KCNQ1: variants seen among roughly 807,000 people sequenced by gnomAD.
The protein encoded by KCNQ1 is potassium voltage-gated channel subfamily Q member 1.
KCNQ1 carries 49 observed loss-of-function variants against 72.4 expected under a neutral mutation model. The ratio of observed to expected loss-of-function variants is 0.68; its 90% CI spans 0.54 to 0.86. KCNQ1 has a LOEUF of 0.86. Among genes scored for constraint, KCNQ1 ranks in the 40% least tolerant of loss-of-function variants. KCNQ1 has a pLI of 0.00. For synonymous variants in KCNQ1, 450 were observed against 412.6 expected, an observed-to-expected ratio of 1.09 and a Z score of -1.10; for missense variants, 790 against 945.1, an observed-to-expected ratio of 0.84 and a Z score of 2.15.
At position 2,483,505 on chromosome 11, in the gene KCNQ1, C is replaced by G. The variant is rs1014277046; in HGVS notation, c.386+38021C>G. ...TAGCATCCGGTTTCTGTTCTGTGATCCCCACGTTGCTTTCAGCTGCCAGGT... is the reference window on the plus strand; with the variant it reads ...TAGCATCCGGTTTCTGTTCTGTGATGCCCACGTTGCTTTCAGCTGCCAGGT... On this transcript the variant is annotated intron_variant, in intron 1 of 15. Coordinates refer to ENST00000155840, the MANE Select transcript of KCNQ1 (RefSeq NM_000218.3). The surrounding 1 kb of genome is among the most constrained non-coding windows in gnomAD (Gnocchi z 6.1). 6.6e-6 allele frequency among the ~76,000 whole-genome samples: 1 copy of G among 152,126 alleles called. No individual in the cohort carries two copies. Among genetic ancestry groups the G allele is most frequent in the Non-Finnish European group, 1.5e-5 (1 of 68,030 alleles).
At chr11:2,644,345 G>T in intron 10 of KCNQ1, 1 of 398,026 alleles carries the variant, frequency 2.5e-6, no homozygotes, top group Non-Finnish European at 4.4e-6. Context: ...TCTTTCTTCT[G>T]CTTGTTGTGG....
Position 2,654,338 on chromosome 11 carries a change from C to G in KCNQ1, c.1394-7623C>G. 1 of 398,708 alleles carries G rather than the reference C, an allele frequency of 2.5e-6. No homozygotes were observed. Among genetic ancestry groups the G allele is most frequent in the Non-Finnish European group, 4.4e-6 (1 of 226,254 alleles). The allele number at this position is 398,708 out of a possible 1,614,324, so 24.7% of individuals were successfully genotyped here. On this transcript the variant is annotated intron_variant, in intron 10 of 15. Transcript: ENST00000155840. This position sits in a 1 kb window ranked among gnomAD's most constrained non-coding sequence, Gnocchi z 6.4. ...GGGCCAGGGAGGGGGCTTCTACTTGCAAAGGATAGGGAGAGCTTCTGTTCA... is the reference window on the plus strand; with the variant it reads ...GGGCCAGGGAGGGGGCTTCTACTTGGAAAGGATAGGGAGAGCTTCTGTTCA...
At chr11:2,533,740 C>T (rs1255053783) in intron 2 of KCNQ1, among the ~76,000 whole-genome samples, 1 of 152,200 alleles carries the variant, frequency 6.6e-6, no homozygotes, top group Admixed American at 6.5e-5. Context: ...GAAACTGGCC[C>T]CCTGCTCTCT....
rs1205319737 is a variant in KCNQ1, at chr11:2,601,150, T to A, written c.1393+12296T>A. ...GGAAACCAGGCTTTACTGTGGTAGT[T>A]GCAAAAATGATCATTTTCCAACTCT... On this transcript the variant is annotated intron_variant, in intron 10 of 15. Coordinates refer to ENST00000155840, the MANE Select transcript of KCNQ1 (RefSeq NM_000218.3). The surrounding 1 kb of genome is among the most constrained non-coding windows in gnomAD (Gnocchi z 5.2). Among the ~76,000 whole-genome samples the A allele has an allele frequency of 1.3e-5, 2 of 151,904 alleles. No homozygotes were observed. Among genetic ancestry groups the A allele is most frequent in the East Asian group, 3.9e-4 (2 of 5,188 alleles).
chr11:2,798,151 A>T (rs1847177405), intron 15 of KCNQ1, among the ~76,000 whole-genome samples: 2 of 152,060 alleles, frequency 1.3e-5, no homozygotes, highest in Admixed American at 1.3e-4. Context: ...CCCAGGCCCA[A>T]GCAAGCCTGC....
rs898249732 is a variant in KCNQ1 at position 2,563,015 on chromosome 11, A to G, written c.478-7613A>G. ...CGAGGCTTCCTTTATGTTTTGCAAA[A>G]AAATCTATATATTTCATCCAGAGAG... On this transcript the variant is annotated intron_variant, in intron 2 of 15. Transcript: ENST00000155840. The surrounding 1 kb of genome is among the most constrained non-coding windows in gnomAD (Gnocchi z 7.4). Among the ~76,000 whole-genome samples, 6 of 152,158 alleles carry G rather than the reference A, an allele frequency of 3.9e-5. No homozygotes were observed. Among genetic ancestry groups the G allele is most frequent in the South Asian group, 4.1e-4 (2 of 4,826 alleles).
At chr11:2,758,798 A>T (rs1251832341) in intron 11 of KCNQ1, among the ~76,000 whole-genome samples, 1 of 152,184 alleles carries the variant, frequency 6.6e-6, no homozygotes, top group African/African-American at 2.4e-5. Context: ...CCTCCCCCGA[A>T]AGGTCGCATG....
At position 2,750,189 on chromosome 11, in the gene KCNQ1, GC is replaced by G. The variant is rs1846205549; in HGVS notation, c.1515-18654del. Among the ~76,000 whole-genome samples the G allele has an allele frequency of 1.3e-5, 2 of 152,180 alleles. No homozygotes were observed. Among genetic ancestry groups the G allele is most frequent in the Non-Finnish European group, 2.9e-5 (2 of 68,042 alleles). ...CAGGTCAGCGCCAGGGGCAGCAGGG[GC>G]TGGATCTCTGGGGAAGTTGAGGAAT... On this transcript the variant is annotated intron_variant, in intron 11 of 15. Coordinates refer to ENST00000155840, the MANE Select transcript of KCNQ1 (RefSeq NM_000218.3). This position sits in a 1 kb window ranked among gnomAD's most constrained non-coding sequence, Gnocchi z 6.3.
intron 6 of KCNQ1, among the ~76,000 whole-genome samples, chr11:2,575,704 G>T (rs1293715268): frequency 6.6e-6 from 1 of 152,192 alleles, no homozygotes; most frequent in African/African-American, 2.4e-5. Flanking sequence ...GCCCTTACTG[G>T]GTGGGAGGTG....
intron 11 of KCNQ1, chr11:2,686,306 C>T: frequency 2.5e-6 from 1 of 398,756 alleles, no homozygotes; most frequent in Non-Finnish European, 4.4e-6. Context: ...ACAGACCACA[C>T]TAGTGTCACC....
chr11:2,578,028 T>C, intron 6 of KCNQ1, among the ~76,000 whole-genome samples: 1 of 152,136 alleles, frequency 6.6e-6, no homozygotes, highest in Non-Finnish European at 1.5e-5. Context: ...GAGCCCTGCA[T>C]GGGGGGAGCC....
At chr11:2,701,111 G>A (rs1263455346) in intron 11 of KCNQ1, among the ~76,000 whole-genome samples, 1 of 152,176 alleles carries the variant, frequency 6.6e-6, no homozygotes, top group Non-Finnish European at 1.5e-5. Flanking sequence ...CGAGCCAGCC[G>A]TCCCCCCACC....
rs1245346316 is a variant in KCNQ1 at position 2,657,672 on chromosome 11, A to G, written c.1394-4289A>G. Reference sequence around the variant, plus strand: ...TTGGATTTCCCCAGTTTAACTACTAATGTCCTTTTTCTGTTCCAAGATCCC... The same window carrying G: ...TTGGATTTCCCCAGTTTAACTACTAGTGTCCTTTTTCTGTTCCAAGATCCC... On this transcript the variant is annotated intron_variant, in intron 10 of 15. Transcript: ENST00000155840. The surrounding 1 kb of genome is among the most constrained non-coding windows in gnomAD (Gnocchi z 4.8). 2.5e-6 allele frequency: 1 copy of G among 398,492 alleles called. No individual in the cohort carries two copies. Among genetic ancestry groups the G allele is most frequent in the African/African-American group, 2.1e-5 (1 of 48,630 alleles). The allele number at this position is 398,492 out of a possible 1,614,324, so 24.7% of individuals were successfully genotyped here.
Position 2,671,543 on chromosome 11 carries a change from C to T in KCNQ1, c.1514+9462C>T. The T allele has an allele frequency of 2.5e-6, 1 of 398,622 alleles. No homozygotes were observed. 24.7% of individuals were successfully genotyped at this position (398,622 alleles called of 1,614,324 possible). ...TTTTCAAAGGTTAATTTTGACTCTG[C>T]CTGACTTATCTCCTAAGTCTTTGGC... On this transcript the variant is annotated intron_variant, in intron 11 of 15. Coordinates refer to ENST00000155840, the MANE Select transcript of KCNQ1 (RefSeq NM_000218.3). This position sits in a 1 kb window ranked among gnomAD's most constrained non-coding sequence, Gnocchi z 4.7.
chr11:2,677,049 C>T lies in KCNQ1; in HGVS notation c.1514+14968C>T. On this transcript the variant is annotated intron_variant, in intron 11 of 15. Transcript: ENST00000155840. This position sits in a 1 kb window ranked among gnomAD's most constrained non-coding sequence, Gnocchi z 4.5. ...CTCTGTTGATGGATATGTAGGGCAG[C>T]TAAAAAACAGCAGCCATTAACCATT... 1 of 398,586 alleles carries T rather than the reference C, an allele frequency of 2.5e-6. No homozygotes were observed. Among genetic ancestry groups the T allele is most frequent in the Non-Finnish European group, 4.4e-6 (1 of 226,060 alleles). 24.7% of individuals were successfully genotyped at this position (398,586 alleles called of 1,614,324 possible).
rs1848990304 is a variant in KCNQ1 at position 2,612,339 on chromosome 11, G to A, written c.1393+23485G>A. ...ACTAAAGCCTCCCCCAACTGGCTGT[G>A]GAAAAATTGTCTTCCACAAAACTGG... On this transcript the variant is annotated intron_variant, in intron 10 of 15. Transcript: ENST00000155840. This position sits in a 1 kb window ranked among gnomAD's most constrained non-coding sequence, Gnocchi z 5.5. The A allele has an allele frequency of 2.5e-6, 1 of 398,672 alleles. No individual in the cohort carries two copies. 24.7% of individuals were successfully genotyped at this position (398,672 alleles called of 1,614,324 possible). A position where few individuals can be genotyped will look rare whatever the true frequency, so the allele number is the denominator to read the frequency against.
intron 10 of KCNQ1, chr11:2,640,958 A>T (rs1181314184): frequency 5.0e-6 from 2 of 398,492 alleles, no homozygotes; most frequent in African/African-American, 4.1e-5. Context: ...TAAAATAATG[A>T]CCTCCAGCTC....
rs982795734 is a variant in KCNQ1 at position 2,691,205 on chromosome 11, T to C, written c.1514+29124T>C. ...TCAGAGCTCAGCTGTGTTTAAAAAT[T>C]AGCAAGTGGAGGAGTTAGAGGATCT... On this transcript the variant is annotated intron_variant, in intron 11 of 15. Transcript: ENST00000155840. The surrounding 1 kb of genome is among the most constrained non-coding windows in gnomAD (Gnocchi z 6.4). 2.5e-6 allele frequency: 1 copy of C among 398,462 alleles called. No individual in the cohort carries two copies. The highest frequency in any genetic ancestry group is 4.4e-6 in the Non-Finnish European group (1 of 226,086). The allele number at this position is 398,462 out of a possible 1,614,324, so 24.7% of individuals were successfully genotyped here. A position where few individuals can be genotyped will look rare whatever the true frequency, so the allele number is the denominator to read the frequency against.
In KCNQ1 at chr11:2,445,376, T is replaced by C; in HGVS notation, c.278T>C (p.Ile93Thr). The change falls in exon 1 of 16, where the codon ATC (isoleucine) becomes ACC (threonine). Residue 93 changes from isoleucine to threonine, a missense_variant. Physicochemically the swap from Ile to Thr is moderately conservative, Grantham distance 89. This residue lies in a region of KCNQ1 where 294 missense variants were observed against 323.3 expected (regional missense o/e 0.91). Transcript: ENST00000155840. ...PPVSLDPRVS[I>T]YSTRRPVLAR... Reference sequence around the variant, plus strand: ...GTGAGCCTAGACCCGCGCGTCTCCATCTACAGCACGCGCCGCCCGGTGTTG... The same window carrying C: ...GTGAGCCTAGACCCGCGCGTCTCCACCTACAGCACGCGCCGCCCGGTGTTG... The C allele has an allele frequency of 6.3e-7, 1 of 1,597,682 alleles. No individual in the cohort carries two copies. The highest frequency in any genetic ancestry group is 8.5e-7 in the Non-Finnish European group (1 of 1,179,546).
Sources: allele counts gnomAD v4.1 joint callset (sites outside exome capture counted in the v4.1 genomes callset), GRCh38; gene constraint gnomAD v4.1.1; regional missense constraint gnomAD v4.1.1; non-coding constraint Gnocchi (gnomAD v3.1); transcripts MANE v1.5; gene names NCBI Gene and HGNC (gene_info 2026-07-23, HGNC 2026-07-21).